The following SLC36A1 variants were observed in gnomAD, a reference collection of about 807,000 sequenced individuals.
SLC36A1 encodes the protein solute carrier family 36 member 1.
A neutral mutation model predicts 47.5 loss-of-function variants in SLC36A1; 30 were observed. That is an observed-to-expected ratio of 0.63 (90% confidence interval 0.47 to 0.86). The LOEUF is 0.86. Among genes scored for constraint, SLC36A1 ranks in the 40% least tolerant of loss-of-function variants. SLC36A1 has a pLI of 0.00. For synonymous variants in SLC36A1, 255 were observed against 249.7 expected (o/e 1.02, Z -0.20); for missense variants, 517 against 606.0 (o/e 0.85, Z 1.54).
chr5:151,396,115 C>T, the SLC36A1 span, among the ~76,000 whole-genome samples: 3 of 145,528 alleles, frequency 2.1e-5, no homozygotes, highest in Non-Finnish European at 4.5e-5. Context: ...TGGACTTATT[C>T]TTCCTCCTTC....
the SLC36A1 span, among the ~76,000 whole-genome samples, chr5:151,520,600 C>T: frequency 1.3e-5 from 2 of 152,160 alleles, no homozygotes; most frequent in African/African-American, 2.4e-5. Context: ...GGGTTAAGTG[C>T]TTTTATAACT....
At chr5:151,555,265 T>C in the SLC36A1 span, among the ~76,000 whole-genome samples, 3 of 152,158 alleles carry the variant, frequency 2.0e-5, no homozygotes, top group Non-Finnish European at 4.4e-5. Context: ...AAAAACACTT[T>C]GGTGTTTAAA....
the SLC36A1 span, among the ~76,000 whole-genome samples, chr5:151,405,741 T>G: frequency 2.6e-5 from 4 of 152,162 alleles, no homozygotes; most frequent in African/African-American, 9.7e-5. Context: ...GGCTTTTTGT[T>G]TCTGTGTTCT....
rs532130592 is a variant in SLC36A1, at chr5:151,462,648, C to G, written c.144-905C>G. ...AAAGTGCTGGGATTACAGGCATGAG[C>G]CACTGCACCTGGCCTGACTTTTTTT... On this transcript the variant is annotated intron_variant, in intron 2 of 10. Transcript: ENST00000243389. 9.8e-4 allele frequency among the ~76,000 whole-genome samples: 149 copies of G among 151,946 alleles called. 1 individual carries two copies. The highest frequency in any genetic ancestry group is 3.4e-3 in the African/African-American group (143 of 41,468).
the SLC36A1 span, among the ~76,000 whole-genome samples, chr5:151,358,350 T>C: frequency 6.6e-6 from 1 of 152,026 alleles, no homozygotes; most frequent in Non-Finnish European, 1.5e-5. Flanking sequence ...TCACTCACTG[T>C]AGCCTTGAAC....
chr5:151,442,232 G>C (rs1440761757), intron 1 of SLC36A1, among the ~76,000 whole-genome samples: 1 of 152,102 alleles, frequency 6.6e-6, no homozygotes, highest in Non-Finnish European at 1.5e-5. Flanking sequence ...TAGTAAAATT[G>C]TAACTATAGT....
the SLC36A1 span, chr5:151,510,263 C>A: frequency 1.4e-6 from 2 of 1,404,226 alleles, no homozygotes; most frequent in South Asian, 2.5e-5. Context: ...TTTGTGCAGC[C>A]GTTCAGTTAC....
At chr5:151,502,234 C>A in the SLC36A1 span, among the ~76,000 whole-genome samples, 1 of 147,312 alleles carries the variant, frequency 6.8e-6, no homozygotes, top group Non-Finnish European at 1.5e-5. Context: ...ATTGCTTGAA[C>A]CCAGGAGGTA....
At chr5:151,436,018 CT>C (rs375723159), upstream of SLC36A1, among the ~76,000 whole-genome samples, 16 of 152,118 alleles carry the variant, frequency 1.1e-4, no homozygotes, top group South Asian at 3.3e-3. Context: ...ACTAGTGCCC[CT>C]GCTACTACTG....
chr5:151,348,948 G>T, the SLC36A1 span, among the ~76,000 whole-genome samples: 2 of 152,156 alleles, frequency 1.3e-5, no homozygotes, highest in African/African-American at 2.4e-5. Context: ...CCAGCTTCTT[G>T]TCCTGAATCA....
chr5:151,452,523 A>G (rs934909480), intron 1 of SLC36A1: 1 of 152,216 alleles, frequency 6.6e-6, no homozygotes, highest in African/African-American at 2.4e-5. Flanking sequence ...TCATAATAAG[A>G]TCATATATTT....
At chr5:151,408,742 T>C in the SLC36A1 span, among the ~76,000 whole-genome samples, 1 of 152,190 alleles carries the variant, frequency 6.6e-6, no homozygotes, top group Non-Finnish European at 1.5e-5. Flanking sequence ...TTCTGGAGTC[T>C]GACGAGGACT....
the SLC36A1 span, among the ~76,000 whole-genome samples, chr5:151,384,835 C>A: frequency 5.3e-5 from 8 of 152,158 alleles, no homozygotes; most frequent in Non-Finnish European, 1.0e-4. Context: ...TCCACGCTCA[C>A]CATTTACAGA....
chr5:151,459,092 C>T (rs1469078256), intron 2 of SLC36A1, among the ~76,000 whole-genome samples, 157 bp downstream of exon 2: 1 of 152,164 alleles, frequency 6.6e-6, no homozygotes, highest in Non-Finnish European at 1.5e-5. Context: ...ATTTGCCTTC[C>T]TGGGCTGCCA....
At chr5:151,508,072 T>C in the SLC36A1 span, among the ~76,000 whole-genome samples, 1 of 152,192 alleles carries the variant, frequency 6.6e-6, no homozygotes, top group Non-Finnish European at 1.5e-5. Flanking sequence ...TCAGCCACCT[T>C]ACAATGGGCA....
the SLC36A1 span, chr5:151,412,807 A>T: frequency 1.4e-5 from 2 of 144,028 alleles, 1 homozygote; most frequent in Admixed American, 1.4e-4. Flanking sequence ...TCCCATCCCT[A>T]TGTCCTCCAG....
chr5:151,375,282 A>T, the SLC36A1 span, among the ~76,000 whole-genome samples: 1 of 152,156 alleles, frequency 6.6e-6, no homozygotes, highest in South Asian at 2.1e-4. Context: ...GAATATGGCA[A>T]TCCAATTTTA....
At chr5:151,474,178 A>AAAAAAGGAG (rs776318482) in intron 8 of SLC36A1, among the ~76,000 whole-genome samples, 1 of 119,008 alleles carries the variant, frequency 8.4e-6, no homozygotes, top group Admixed American at 7.9e-5. Context: ...AAAAAAAAAA[A>AAAAAAGGAG]AGAAATTATC....
the SLC36A1 span, chr5:151,382,085 G>T: frequency 1.3e-6 from 1 of 779,602 alleles, no homozygotes. Context: ...CCCCCAAAGA[G>T]AGCCTACTGA....
Sources: gnomAD v4.1 joint callset for allele counts (sites outside exome capture counted in the v4.1 genomes callset) on GRCh38, gnomAD v4.1.1 for gene constraint, MANE v1.5 for transcripts, NCBI Gene and HGNC (gene_info 2026-07-23, HGNC 2026-07-21) for gene names.